The following TMEM200A variants were observed in gnomAD, a reference collection of about 807,000 sequenced individuals.
TMEM200A encodes transmembrane protein 200A.
A neutral mutation model predicts 24.3 loss-of-function variants in TMEM200A; 12 were observed. The observed-to-expected ratio is 0.49, with a 90% CI of 0.32 to 0.80. The LOEUF is 0.80. TMEM200A is among the 30% of genes least tolerant of loss of function. The pLI, the probability that TMEM200A is intolerant of heterozygous loss-of-function variation, is 0.04. For missense variants in TMEM200A, 545 were observed against 614.4 expected (o/e 0.89, Z 1.19); for synonymous variants, 224 against 224.4 (o/e 1.00, Z 0.02).
chr6:130,391,816 C>T (rs2115110742), intron 2 of TMEM200A, among the ~76,000 whole-genome samples: 1 of 142,250 alleles, frequency 7.0e-6, no homozygotes, highest in East Asian at 2.2e-4. Flanking sequence ...GATCTCGGCT[C>T]ACTGCAAGCT....
Position 130,366,741 on chromosome 6 carries a change from G to A in TMEM200A, c.-81+217G>A, listed in dbSNP as rs1356745396. Among the ~76,000 whole-genome samples the A allele has an allele frequency of 6.6e-6, 1 of 152,204 alleles. No homozygotes were observed. The highest frequency in any genetic ancestry group is 1.5e-5 in the Non-Finnish European group (1 of 68,038). ...CCGGGAGCGCGAGAGAAGCCGTGCG[G>A]GGCAGCCTCCAAGAACCCGGAGTAC... On this transcript the variant is annotated intron_variant, in intron 1 of 2. Coordinates refer to ENST00000296978, the MANE Select transcript of TMEM200A (RefSeq NM_001258277.2). This position sits in a 1 kb window ranked among gnomAD's most constrained non-coding sequence, Gnocchi z 4.4.
intron 2 of TMEM200A, among the ~76,000 whole-genome samples, chr6:130,413,932 C>G (rs1230675504): frequency 1.3e-5 from 2 of 152,070 alleles, no homozygotes; most frequent in Non-Finnish European, 1.5e-5. Context: ...GTTTTAAATT[C>G]TCACACTAGA....
chr6:130,389,874 A>G (rs1007053489), intron 2 of TMEM200A, among the ~76,000 whole-genome samples: 2 of 152,156 alleles, frequency 1.3e-5, no homozygotes, highest in African/African-American at 4.8e-5. Flanking sequence ...TTCCATTGTT[A>G]AAGTTCTAGG....
Position 130,441,624 on chromosome 6 carries a change from AC to A in TMEM200A, c.1204del (p.Arg402GlyfsTer6). The A allele has an allele frequency of 6.2e-7, 1 of 1,614,042 alleles. No homozygotes were observed. The highest frequency in any genetic ancestry group is 1.1e-5 in the South Asian group (1 of 91,072). On this transcript the variant is annotated frameshift_variant, in exon 3 of 3. Coordinates refer to ENST00000296978, the MANE Select transcript of TMEM200A (RefSeq NM_001258277.2). LOFTEE classifies it high-confidence loss of function. ...LSSHSKSLDL[D>X]RGPSTLTVQA... The stretch of plus-strand genomic sequence containing the variant: ...TCACACTCAAAGTCCTTGGACTTAG[AC>A]CGGGGTCCCTCCACTCTAACTGTTC...
chr6:130,427,507 A>AGTTTCAT (rs1238067541), intron 2 of TMEM200A, among the ~76,000 whole-genome samples: 2 of 149,412 alleles, frequency 1.3e-5, no homozygotes, highest in Non-Finnish European at 2.9e-5. Context: ...CCTTATACAT[A>AGTTTCAT]GTTTCATGTA....
chr6:130,378,756 A>T (rs2115083405), intron 1 of TMEM200A, among the ~76,000 whole-genome samples: 1 of 152,106 alleles, frequency 6.6e-6, no homozygotes, highest in African/African-American at 2.4e-5. Context: ...CTTGAGTAAG[A>T]ATAGCCCAGA....
At chr6:130,377,843 A>G (rs1268294467) in intron 1 of TMEM200A, among the ~76,000 whole-genome samples, 2 of 152,216 alleles carry the variant, frequency 1.3e-5, no homozygotes, top group Non-Finnish European at 2.9e-5. Context: ...AAATAAGAAG[A>G]AGAAAAATAA....
intron 2 of TMEM200A, among the ~76,000 whole-genome samples, chr6:130,418,840 A>G (rs1414424732): frequency 2.0e-5 from 3 of 152,138 alleles, no homozygotes; most frequent in Non-Finnish European, 4.4e-5. Context: ...TTTGTTATGC[A>G]TAGAATGTGT....
intron 2 of TMEM200A, among the ~76,000 whole-genome samples, chr6:130,406,673 C>A (rs927969584): frequency 6.6e-6 from 1 of 152,160 alleles, no homozygotes; most frequent in Non-Finnish European, 1.5e-5. Flanking sequence ...ACTTCTCAGT[C>A]TTACAGCCTG....
intron 1 of TMEM200A, among the ~76,000 whole-genome samples, chr6:130,369,104 G>A (rs111312882): frequency 2.0e-5 from 3 of 152,286 alleles, no homozygotes; most frequent in East Asian, 1.9e-4. Context: ...AGTAAAAGAT[G>A]TCTGGCCTGG....
intron 1 of TMEM200A, among the ~76,000 whole-genome samples, chr6:130,369,672 A>G (rs1778271032): frequency 6.6e-6 from 1 of 152,206 alleles, no homozygotes; most frequent in Non-Finnish European, 1.5e-5. Context: ...AAGGAAATCC[A>G]TGCATTTCAT....
rs553656522 is a variant in TMEM200A at position 130,373,595 on chromosome 6, G to A, written c.-81+7071G>A. 2.2e-4 allele frequency among the ~76,000 whole-genome samples: 34 copies of A among 152,076 alleles called. 1 individual carries two copies. In the South Asian group the frequency reaches 6.9e-3, roughly 31 times the overall value. On this transcript the variant is annotated intron_variant, in intron 1 of 2. Coordinates refer to ENST00000296978, the MANE Select transcript of TMEM200A (RefSeq NM_001258277.2). Reference sequence around the variant, plus strand: ...TATTCCCTTAAAATTGAACTTTTAGGCCATTTCCAAATATTTGATATTATA... The same window carrying A: ...TATTCCCTTAAAATTGAACTTTTAGACCATTTCCAAATATTTGATATTATA...
chr6:130,422,946 A>G (rs1369655427), intron 2 of TMEM200A, among the ~76,000 whole-genome samples: 1 of 152,196 alleles, frequency 6.6e-6, no homozygotes, highest in African/African-American at 2.4e-5. Context: ...TTGACATGGA[A>G]TTTTATCATT....
chr6:130,424,915 T>TA (rs11377143), intron 2 of TMEM200A, among the ~76,000 whole-genome samples: 2,201 of 152,216 alleles, frequency 0.014, 27 homozygotes, highest in Middle Eastern at 0.027. Flanking sequence ...CGGCTGGGAA[T>TA]TCCTCTCTGC....
upstream of TMEM200A, chr6:130,365,950 C>T (rs1057460362): frequency 8.2e-6 from 8 of 977,022 alleles, no homozygotes; most frequent in African/African-American, 1.4e-4. Flanking sequence ...CCTGGAAGTC[C>T]GCCCCGGCCC....
chr6:130,435,671 G>A (rs1779985362), intron 2 of TMEM200A, among the ~76,000 whole-genome samples: 1 of 152,206 alleles, frequency 6.6e-6, no homozygotes, highest in African/African-American at 2.4e-5. Context: ...AACTGAGAGG[G>A]ACAACAGGAT....
intron 2 of TMEM200A, among the ~76,000 whole-genome samples, chr6:130,410,314 C>T (rs1198492271): frequency 1.3e-5 from 2 of 152,206 alleles, no homozygotes; most frequent in East Asian, 3.9e-4. Flanking sequence ...ACTAAAGGGC[C>T]AATGAAATTC....
chr6:130,397,472 G>C (rs1194233624), intron 2 of TMEM200A, among the ~76,000 whole-genome samples: 1 of 152,002 alleles, frequency 6.6e-6, no homozygotes, highest in Non-Finnish European at 1.5e-5. Flanking sequence ...ATTTTGCCAT[G>C]ATGTAAAAAT....
chr6:130,414,380 T>C (rs1239308597), intron 2 of TMEM200A, among the ~76,000 whole-genome samples: 2 of 140,246 alleles, frequency 1.4e-5, no homozygotes, highest in African/African-American at 5.4e-5. Context: ...TGCAGTAAGC[T>C]GAGATCGCGC....
Sources: allele counts gnomAD v4.1 joint callset (sites outside exome capture counted in the v4.1 genomes callset), GRCh38; gene constraint gnomAD v4.1.1; non-coding constraint Gnocchi (gnomAD v3.1); transcripts MANE v1.5; gene names NCBI Gene and HGNC (gene_info 2026-07-23, HGNC 2026-07-21).